PRMT3: variants seen among roughly 807,000 people sequenced by gnomAD.
The protein encoded by PRMT3 is protein arginine N-methyltransferase 3.
In PRMT3, 62 loss-of-function variants were observed where a neutral mutation model predicts 71.9. The ratio of observed to expected loss-of-function variants is 0.86; its 90% CI spans 0.70 to 1.07. PRMT3 has a LOEUF of 1.07. PRMT3 is among the 50% of genes least tolerant of loss of function. The probability of loss-of-function intolerance (pLI) is 0.00; values close to 1 mark genes in which losing one functional copy is unlikely to be tolerated. For synonymous variants in PRMT3, 213 were observed against 220.4 expected, an observed-to-expected ratio of 0.97 and a Z score of 0.30; for missense variants, 663 against 643.0, an observed-to-expected ratio of 1.03 and a Z score of -0.34.
At chr11:20,454,655 A>C (rs1850228357) in intron 11 of PRMT3, among the ~76,000 whole-genome samples, 1 of 152,172 alleles carries the variant, frequency 6.6e-6, no homozygotes, top group Non-Finnish European at 1.5e-5. Context: ...CCAGTCATTT[A>C]GATGCTCATT....
intron 10 of PRMT3, among the ~76,000 whole-genome samples, chr11:20,437,545 G>T (rs575334864): frequency 3.9e-5 from 6 of 152,148 alleles, no homozygotes; most frequent in African/African-American, 1.4e-4. Context: ...TGACTCAGTG[G>T]TATAGGCTGT....
rs556651177 is a variant in PRMT3, at chr11:20,387,944, A to G, written c.29-75A>G. ...GGGCGAACGGGGCGGAGGAGAGCCC[A>G]TCGTCACCTGCTCCTCGAGCCCCCG... On this transcript the variant is annotated intron_variant, in intron 1 of 15. Coordinates refer to ENST00000331079, the MANE Select transcript of PRMT3 (RefSeq NM_005788.4). The surrounding 1 kb of genome is among the most constrained non-coding windows in gnomAD (Gnocchi z 4.3). 5.7e-5 allele frequency: 92 copies of G among 1,605,252 alleles called. No homozygotes were observed. The African/African-American group carries it at 1.2e-3, about 20-fold the overall frequency.
intron 2 of PRMT3, among the ~76,000 whole-genome samples, chr11:20,388,497 A>G (rs978934472): frequency 2.6e-5 from 4 of 152,252 alleles, no homozygotes; most frequent in African/African-American, 4.8e-5. Context: ...TTCTGTTTTT[A>G]TGAGGACAAG....
chr11:20,418,900 C>T (rs1385920632), intron 9 of PRMT3, among the ~76,000 whole-genome samples: 1 of 152,120 alleles, frequency 6.6e-6, no homozygotes, highest in Non-Finnish European at 1.5e-5. Context: ...TAGTAACCAT[C>T]ACCCAGGCCA....
At chr11:20,472,326 G>C (rs1436619876) in intron 13 of PRMT3, among the ~76,000 whole-genome samples, 1 of 151,240 alleles carries the variant, frequency 6.6e-6, no homozygotes, top group Non-Finnish European at 1.5e-5. Flanking sequence ...GTGTGATATT[G>C]GCTGTGGGTT....
intron 10 of PRMT3, among the ~76,000 whole-genome samples, chr11:20,436,352 C>G (rs2133365390): frequency 6.6e-6 from 1 of 152,286 alleles, no homozygotes; most frequent in South Asian, 2.1e-4. Context: ...AAGTGGACAT[C>G]CTCATCTTAT....
chr11:20,407,714 C>A (rs1490825554), intron 8 of PRMT3, 197 bp from the exon 9 acceptor site: 4 of 439,780 alleles, frequency 9.1e-6, no homozygotes, highest in African/African-American at 8.0e-5. Context: ...AAGAGCCGGG[C>A]ATGGTGACTC....
At chr11:20,490,079 A>G (rs987329434) in intron 13 of PRMT3, among the ~76,000 whole-genome samples, 1 of 150,874 alleles carries the variant, frequency 6.6e-6, no homozygotes, top group Non-Finnish European at 1.5e-5. Context: ...CAGAGCAGCA[A>G]TCTTCCACTT....
Position 20,397,584 on chromosome 11 carries a change from G to A in PRMT3, c.568G>A (p.Ala190Thr). 1 of 1,613,962 alleles carries A rather than the reference G, an allele frequency of 6.2e-7. No individual in the cohort carries two copies. The change falls in exon 7 of 16, where the codon GCT becomes ACT. Residue 190 changes from alanine (A) to threonine (T), a missense_variant. Coordinates refer to ENST00000331079, the MANE Select transcript of PRMT3 (RefSeq NM_005788.4). ...ATTTCAAATTGATTACAGACAATTTGCTCAGGATTTTGTGATGCACACAGA... is the reference window on the plus strand; with the variant it reads ...ATTTCAAATTGATTACAGACAATTTACTCAGGATTTTGTGATGCACACAGA... ...REDLQKMKQF[A>T]QDFVMHTDVR...
At chr11:20,495,032 GT>G (rs1851300424) in intron 15 of PRMT3, among the ~76,000 whole-genome samples, 1 of 151,452 alleles carries the variant, frequency 6.6e-6, no homozygotes, top group South Asian at 2.1e-4. Flanking sequence ...TTTGGGTTTT[GT>G]TTTTTCTTTT....
intron 9 of PRMT3, among the ~76,000 whole-genome samples, chr11:20,417,837 C>A (rs1849342047): frequency 6.6e-6 from 1 of 152,026 alleles, no homozygotes; most frequent in Admixed American, 6.6e-5. Flanking sequence ...CTTCTACTCC[C>A]ATACCTGTAC....
intron 15 of PRMT3, among the ~76,000 whole-genome samples, chr11:20,496,570 G>A (rs1174313286): frequency 1.4e-5 from 2 of 142,682 alleles, no homozygotes; most frequent in Non-Finnish European, 3.0e-5. Context: ...CTCAGATTCA[G>A]CATAGTGGTT....
intron 7 of PRMT3, among the ~76,000 whole-genome samples, 199 bp downstream of exon 7, chr11:20,397,920 T>C (rs1285639175): frequency 6.7e-6 from 1 of 148,744 alleles, no homozygotes; most frequent in Non-Finnish European, 1.5e-5. Flanking sequence ...ATGCCTGTAA[T>C]ACCAGCACTT....
chr11:20,392,289 G>A (rs1357935764), intron 4 of PRMT3, 29 bp downstream of exon 4: 22 of 1,535,122 alleles, frequency 1.4e-5, no homozygotes, highest in Admixed American at 9.9e-5. Context: ...TTATAATTTC[G>A]TTTAGAAATC....
intron 11 of PRMT3, among the ~76,000 whole-genome samples, chr11:20,454,137 A>T (rs900402430): frequency 8.5e-5 from 13 of 152,186 alleles, no homozygotes; most frequent in South Asian, 6.2e-4. Flanking sequence ...CCTGGATGAC[A>T]CATATTAAAT....
At chr11:20,498,680 A>G (rs1218655349) in intron 15 of PRMT3, among the ~76,000 whole-genome samples, 1 of 152,184 alleles carries the variant, frequency 6.6e-6, no homozygotes, top group East Asian at 1.9e-4. Flanking sequence ...CAGTGAGCTG[A>G]GATTGCACCA....
Position 20,494,237 on chromosome 11 carries a change from C to G in PRMT3, c.1469C>G (p.Pro490Arg). The change falls in exon 15 of 16, where the codon CCA becomes CGA. Residue 490 changes from proline (P) to arginine (R), a missense_variant. Pro to Arg is a moderately radical substitution (Grantham distance 103). Transcript: ENST00000331079. ...CAAACAGTATTTCTACTGGAAAAAC[C>G]ATTTTCAGTTAAAGCAGGTGAGAAA... ...WKQTVFLLEKPFSVKAGEALK... is the reference protein window; with the variant it reads ...WKQTVFLLEKRFSVKAGEALK... 2 of 1,601,244 alleles carry G rather than the reference C, an allele frequency of 1.2e-6. No homozygotes were observed. The highest frequency in any genetic ancestry group is 2.2e-5 in the South Asian group (2 of 90,708).
Position 20,509,261 on chromosome 11 carries a change from A to G in PRMT3, c.*848A>G, listed in dbSNP as rs1054958722. ...TTGAAATGTAGAATAAAATTTTAAT[A>G]AAATGTATCAACTTATAAAATATTT... On this transcript the variant is annotated 3_prime_UTR_variant, in exon 16 of 16. Transcript: ENST00000331079. The G allele has an allele frequency of 2.1e-5, 1 of 47,812 alleles. No individual in the cohort carries two copies. Among genetic ancestry groups the G allele is most frequent in the East Asian group, 2.5e-4 (1 of 3,966 alleles). 3.0% of individuals were successfully genotyped at this position (47,812 alleles called of 1,614,324 possible). A position where few individuals can be genotyped will look rare whatever the true frequency, so the allele number is the denominator to read the frequency against.
chr11:20,430,275 G>A (rs1392777191), intron 10 of PRMT3, among the ~76,000 whole-genome samples: 1 of 152,106 alleles, frequency 6.6e-6, no homozygotes, highest in Admixed American at 6.6e-5. Flanking sequence ...ATACCCTCCA[G>A]AATTGGGCAC....
Sources: gnomAD v4.1 joint callset for allele counts (sites outside exome capture counted in the v4.1 genomes callset) on GRCh38, gnomAD v4.1.1 for gene constraint, Gnocchi (gnomAD v3.1) non-coding constraint, MANE v1.5 for transcripts, NCBI Gene and HGNC (gene_info 2026-07-23, HGNC 2026-07-21) for gene names.